TSHZ2: variants seen among roughly 807,000 people sequenced by gnomAD.
TSHZ2 encodes the protein teashirt homolog 2.
In TSHZ2, 21 loss-of-function variants were observed where a neutral mutation model predicts 74.4. The ratio of observed to expected loss-of-function variants is 0.28; its 90% CI spans 0.20 to 0.41. TSHZ2 has a LOEUF of 0.41. TSHZ2 is among the 10% of genes least tolerant of loss of function. The pLI is 1.00. For synonymous variants in TSHZ2, 540 were observed against 515.3 expected (o/e 1.05, Z -0.65); for missense variants, 1,244 against 1,293.5 (o/e 0.96, Z 0.59).
Position 53,459,705 on chromosome 20 carries a change from T to C in TSHZ2, c.*9-27439T>C, listed in dbSNP as rs372127108. 3.5e-5 allele frequency among the ~76,000 whole-genome samples: 5 copies of C among 142,120 alleles called. No homozygotes were observed. The South Asian group carries it at 7.4e-4, about 21-fold the overall frequency. 93.2% of individuals were successfully genotyped at this position (142,120 alleles called of 152,430 possible). A position where few individuals can be genotyped will look rare whatever the true frequency, so the allele number is the denominator to read the frequency against. Reference sequence around the variant, plus strand: ...TTGCAGCGGCTGGTACCGGTTGTTCTTTTCCATGTTTAGCGCTTCCTTCAG... The same window carrying C: ...TTGCAGCGGCTGGTACCGGTTGTTCCTTTCCATGTTTAGCGCTTCCTTCAG... On this transcript the variant is annotated intron_variant, in intron 2 of 2. Transcript: ENST00000371497.
intron 2 of TSHZ2, among the ~76,000 whole-genome samples, chr20:53,301,993 A>T (rs1978335498): frequency 6.6e-6 from 1 of 152,206 alleles, no homozygotes. Flanking sequence ...TTGAATACCC[A>T]GGGAGGCCGC....
intron 1 of TSHZ2, among the ~76,000 whole-genome samples, chr20:53,127,128 A>T (rs1290656088): frequency 2.0e-5 from 3 of 152,252 alleles, no homozygotes; most frequent in Admixed American, 6.5e-5. Flanking sequence ...GATGGTATCT[A>T]TAGATGCACA....
intron 1 of TSHZ2, among the ~76,000 whole-genome samples, chr20:53,156,742 T>C (rs1294493054): frequency 6.6e-6 from 1 of 152,274 alleles, no homozygotes; most frequent in African/African-American, 2.4e-5. Context: ...TCGTGATTTC[T>C]ACACTGTGCT....
At chr20:53,019,121 C>T (rs1283975837) in intron 1 of TSHZ2, among the ~76,000 whole-genome samples, 1 of 152,178 alleles carries the variant, frequency 6.6e-6, no homozygotes, top group Non-Finnish European at 1.5e-5. Flanking sequence ...GTACTCTTTT[C>T]TGGCCACTTG....
intron 2 of TSHZ2, among the ~76,000 whole-genome samples, chr20:53,409,435 T>TAATC (rs1982967503): frequency 6.6e-6 from 1 of 151,736 alleles, no homozygotes. Flanking sequence ...TGCCCTTAAT[T>TAATC]AATCATTTGA....
intron 1 of TSHZ2, among the ~76,000 whole-genome samples, chr20:53,111,716 C>A (rs1355546901): frequency 6.6e-6 from 1 of 152,164 alleles, no homozygotes; most frequent in Non-Finnish European, 1.5e-5. Context: ...CATGTTATTT[C>A]TCTAACCCAA....
intron 1 of TSHZ2, among the ~76,000 whole-genome samples, chr20:53,180,260 A>G (rs1376398017): frequency 6.6e-6 from 1 of 152,206 alleles, no homozygotes; most frequent in African/African-American, 2.4e-5. Context: ...ACCAAAATCC[A>G]TCTTTCATTA....
At chr20:53,137,854 T>C (rs1043379138) in intron 1 of TSHZ2, among the ~76,000 whole-genome samples, 4 of 152,194 alleles carry the variant, frequency 2.6e-5, no homozygotes, top group African/African-American at 9.7e-5. Flanking sequence ...TAAGATGCTT[T>C]GGAGGAACAT....
chr20:53,118,240 T>G (rs1293430), intron 1 of TSHZ2, among the ~76,000 whole-genome samples: 115,051 of 152,052 alleles, frequency 0.76, 43,963 homozygotes, highest in East Asian at 1. Context: ...AGATTTAGGA[T>G]AAATTTTGTA....
At chr20:53,221,650 T>C (rs1326476106) in intron 1 of TSHZ2, among the ~76,000 whole-genome samples, 3 of 152,196 alleles carry the variant, frequency 2.0e-5, no homozygotes, top group African/African-American at 7.2e-5. Flanking sequence ...TAAACACAGA[T>C]AGAAAGAGAC....
intron 2 of TSHZ2, among the ~76,000 whole-genome samples, chr20:53,370,753 G>A (rs1449725685): frequency 6.6e-6 from 1 of 152,120 alleles, no homozygotes; most frequent in Non-Finnish European, 1.5e-5. Context: ...GACAGGGCAA[G>A]ACCTTATCTC....
chr20:53,060,485 T>C (rs932144573), intron 1 of TSHZ2, among the ~76,000 whole-genome samples: 1 of 152,214 alleles, frequency 6.6e-6, no homozygotes, highest in Non-Finnish European at 1.5e-5. Flanking sequence ...GCCTCCCTAA[T>C]GAAACTGGTT....
At position 52,972,960 on chromosome 20, in the gene TSHZ2, AC is replaced by A; in HGVS notation, c.-332del. On this transcript the variant is annotated 5_prime_UTR_variant, in exon 1 of 3. It introduces an in-frame stop codon into an upstream open reading frame of the 5' UTR. Transcript: ENST00000371497. The stretch of plus-strand genomic sequence containing the variant: ...TCAACAGTCACCAAAAAAAAAAAAA[AC>A]CGCAAAAACAAAACCAAAAAAATTC... 1.8e-5 allele frequency: 6 copies of A among 334,316 alleles called. No homozygotes were observed. The highest frequency in any genetic ancestry group is 4.9e-5 in the Admixed American group (1 of 20,590). 20.7% of individuals were successfully genotyped at this position (334,316 alleles called of 1,614,324 possible).
chr20:53,221,229 G>C (rs1037280509), intron 1 of TSHZ2, among the ~76,000 whole-genome samples: 32 of 146,412 alleles, frequency 2.2e-4, no homozygotes, highest in Admixed American at 2.0e-3. Context: ...GGCCCCCCCC[G>C]CCATGTAGAA....
chr20:53,167,006 A>G (rs944899226), intron 1 of TSHZ2, among the ~76,000 whole-genome samples: 1 of 152,234 alleles, frequency 6.6e-6, no homozygotes, highest in Non-Finnish European at 1.5e-5. Context: ...AAGGTGACAT[A>G]TAGGCTGTGA....
intron 2 of TSHZ2, among the ~76,000 whole-genome samples, chr20:53,344,073 A>G (rs1980335274): frequency 6.6e-6 from 1 of 152,194 alleles, no homozygotes; most frequent in African/African-American, 2.4e-5. Flanking sequence ...ATGGTAGCCA[A>G]TGCTGTCTTT....
chr20:53,014,435 A>G (rs1181834993), intron 1 of TSHZ2, among the ~76,000 whole-genome samples: 1 of 152,140 alleles, frequency 6.6e-6, no homozygotes, highest in African/African-American at 2.4e-5. Context: ...ACATGTGAAG[A>G]ATGCAGAAAA....
chr20:53,253,646 G>C lies in TSHZ2; in HGVS notation c.188G>C (p.Cys63Ser), dbSNP rs147945388. The C allele has an allele frequency of 9.3e-6, 15 of 1,614,054 alleles. No homozygotes were observed. Among genetic ancestry groups the C allele is most frequent in the Non-Finnish European group, 1.3e-5 (15 of 1,180,048 alleles). The change falls in exon 2 of 3, where the codon TGC (cysteine) becomes TCC (serine). Residue 63 changes from cysteine to serine, a missense_variant. Cys to Ser is a moderately radical substitution (Grantham distance 112, BLOSUM62 -1). Coordinates refer to ENST00000371497, the MANE Select transcript of TSHZ2 (RefSeq NM_173485.6). ...ELETGPEQKG[C>S]FSYQNSPGSH... ...GAAACGGGCCCAGAGCAAAAAGGCT[G>C]CTTCAGCTACCAGAACTCTCCAGGA...
At chr20:53,345,371 G>A (rs1419951806) in intron 2 of TSHZ2, among the ~76,000 whole-genome samples, 1 of 152,186 alleles carries the variant, frequency 6.6e-6, no homozygotes, top group East Asian at 1.9e-4. Flanking sequence ...GGAGAAATGG[G>A]GCTAGGTGGG....
Sources: allele counts gnomAD v4.1 joint callset (sites outside exome capture counted in the v4.1 genomes callset), GRCh38; gene constraint gnomAD v4.1.1; transcripts MANE v1.5; gene names NCBI Gene and HGNC (gene_info 2026-07-23, HGNC 2026-07-21).